Variants in FNDC7 observed in about 807,000 individuals in gnomAD.
FNDC7 encodes fibronectin type III domain-containing protein 7.
Under a neutral mutation model 74.2 loss-of-function variants are expected in FNDC7, and 66 were observed. The observed-to-expected ratio is 0.89, with a 90% CI of 0.73 to 1.09. The LOEUF (loss-of-function observed/expected upper bound fraction) is 1.09. Ranked by LOEUF, FNDC7 falls within the 50% of genes least tolerant of loss-of-function variation. The pLI is 0.00. For missense variants in FNDC7, 829 were observed against 893.4 expected, an observed-to-expected ratio of 0.93 and a Z score of 0.92; for synonymous variants, 307 against 330.2, an observed-to-expected ratio of 0.93 and a Z score of 0.76.
intron 5 of FNDC7, among the ~76,000 whole-genome samples, chr1:108,724,727 C>A (rs1478119214): frequency 6.6e-6 from 1 of 150,842 alleles, no homozygotes; most frequent in Non-Finnish European, 1.5e-5. Context: ...GCACTCCAGC[C>A]TGGGTGACAG....
intron 11 of FNDC7, among the ~76,000 whole-genome samples, chr1:108,739,719 C>G (rs905286848): frequency 1.3e-5 from 2 of 152,154 alleles, no homozygotes; most frequent in Non-Finnish European, 2.9e-5. Flanking sequence ...CCATCAGGTT[C>G]CCAGGTGATT....
intron 11 of FNDC7, among the ~76,000 whole-genome samples, 157 bp from the exon 12 acceptor site, chr1:108,741,616 G>A (rs1365913000): frequency 6.6e-6 from 1 of 152,168 alleles, no homozygotes; most frequent in African/African-American, 2.4e-5. Context: ...TGAACACTTT[G>A]TCAGTTGTCA....
chr1:108,720,358 C>T (rs75400896), intron 4 of FNDC7, among the ~76,000 whole-genome samples: 1 of 152,236 alleles, frequency 6.6e-6, no homozygotes, highest in African/African-American at 2.4e-5. Context: ...TCCAGTTTCA[C>T]CTGACCAGTG....
intron 6 of FNDC7, among the ~76,000 whole-genome samples, chr1:108,726,257 T>C (rs1661218641): frequency 6.6e-6 from 1 of 152,234 alleles, no homozygotes; most frequent in Non-Finnish European, 1.5e-5. Flanking sequence ...CTCTGAAAGA[T>C]TGAACTCGCC....
intron 2 of FNDC7, 30 bp from the exon 3 acceptor site, chr1:108,717,747 G>A (rs1661005308): frequency 1.3e-6 from 2 of 1,546,778 alleles, no homozygotes; most frequent in Admixed American, 3.9e-5. Flanking sequence ...AGGTATCTTG[G>A]CTAATGTACA....
intron 10 of FNDC7, 121 bp downstream of exon 10, chr1:108,733,653 T>C (rs894769213): frequency 1.1e-4 from 80 of 739,394 alleles, no homozygotes; most frequent in African/African-American, 5.5e-4. Context: ...TTCTTTCTTT[T>C]TTTTTTTTTT....
rs76973952 is a variant in FNDC7 at position 108,727,866 on chromosome 1, T to C, written c.1170T>C (p.Ile390=). 2.0e-3 allele frequency: 3,208 copies of C among 1,614,134 alleles called. 43 individuals carry two copies. In the African/African-American group the frequency reaches 0.037, roughly 19 times the overall value. ...TGGTGTCCAGTGACAGAGTTGAGAT[T>C]GTCTGGTCTCCTGTCCGTGGTGCCG... ...PVLVSSDRVE[I]VWSPVRGAEL... Residue 390 remains isoleucine, a synonymous_variant, in exon 7 of 13, where the codon ATT becomes ATC. Transcript: ENST00000370017.
chr1:108,713,551 G>A, intron 2 of FNDC7, 22 bp downstream of exon 2: 1 of 1,537,994 alleles, frequency 6.5e-7, no homozygotes, highest in Non-Finnish European at 8.8e-7. Flanking sequence ...TGACCTGCAA[G>A]TTTTTCCTTC....
intron 3 of FNDC7, among the ~76,000 whole-genome samples, chr1:108,718,355 TCTGACCGTATGGCATA>T (rs776725846): frequency 0.021 from 3,128 of 152,344 alleles, 39 homozygotes; most frequent in Admixed American, 0.035. Flanking sequence ...TTTGCTGCAC[TCTGACCGTATGGCATA>T]TATGTTAACA....
intron 2 of FNDC7, among the ~76,000 whole-genome samples, 172 bp from the exon 3 acceptor site, chr1:108,717,605 T>C (rs1433247753): frequency 1.3e-5 from 2 of 152,222 alleles, no homozygotes; most frequent in East Asian, 3.8e-4. Context: ...GGATCTCTTC[T>C]GGAGAGTAGC....
At chr1:108,716,501 G>A (rs1211359641) in intron 2 of FNDC7, among the ~76,000 whole-genome samples, 1 of 152,032 alleles carries the variant, frequency 6.6e-6, no homozygotes, top group Non-Finnish European at 1.5e-5. Context: ...TTTTCCTCCA[G>A]CATATATAAG....
At chr1:108,722,301 A>G in intron 4 of FNDC7, 34 bp from the exon 5 acceptor site, 2 of 1,523,662 alleles carry the variant, frequency 1.3e-6, no homozygotes, top group Non-Finnish European at 1.8e-6. Flanking sequence ...TTGTAAGGCT[A>G]CTACAAAATC....
intron 11 of FNDC7, among the ~76,000 whole-genome samples, chr1:108,740,955 C>T (rs186624369): frequency 2.4e-4 from 36 of 152,352 alleles, no homozygotes; most frequent in Admixed American, 2.0e-3. Context: ...CCTCATAATA[C>T]ACTTCCTCAT....
At chr1:108,715,355 G>A (rs541584203) in intron 2 of FNDC7, among the ~76,000 whole-genome samples, 1 of 152,262 alleles carries the variant, frequency 6.6e-6, no homozygotes, top group East Asian at 1.9e-4. Flanking sequence ...CCAGTCAGTG[G>A]GCTAAACATA....
intron 7 of FNDC7, 64 bp from the exon 8 acceptor site, chr1:108,728,568 A>C: frequency 6.3e-7 from 1 of 1,594,858 alleles, no homozygotes; most frequent in Non-Finnish European, 8.6e-7. Flanking sequence ...TCAGTTTTAG[A>C]CCAAATGGCA....
rs563171052 is a variant in FNDC7, at chr1:108,741,619, A to G, written c.2171-154A>G. 3.9e-5 allele frequency among the ~76,000 whole-genome samples: 6 copies of G among 152,336 alleles called. No individual in the cohort carries two copies. The East Asian group carries it at 9.6e-4, about 24-fold the overall frequency. On this transcript the variant is annotated intron_variant, in intron 11 of 12. Transcript: ENST00000370017. ...TGCTGATCAGTTTGAACACTTTGTC[A>G]GTTGTCATAGTTTCATGTTTACTTG... is the stretch of plus-strand genomic sequence containing the variant.
chr1:108,737,540 C>A lies in FNDC7; in HGVS notation c.2170+16C>A. 6.3e-7 allele frequency: 1 copy of A among 1,586,864 alleles called. No individual in the cohort carries two copies. The highest frequency in any genetic ancestry group is 1.2e-5 in the South Asian group (1 of 85,686). ...CTTGGAATGGGTAAGTCATTTTTCT[C>A]ATGGATAAAATAGAACAGGATTTTT... On this transcript the variant is annotated intron_variant, in intron 11 of 12. Coordinates refer to ENST00000370017, the MANE Select transcript of FNDC7 (RefSeq NM_001144937.3).
rs2101088471 is a variant in FNDC7 at position 108,733,487 on chromosome 1, A to G, written c.2095A>G (p.Lys699Glu). The G allele has an allele frequency of 2.5e-6, 4 of 1,614,110 alleles. No homozygotes were observed. Among genetic ancestry groups the G allele is most frequent in the Non-Finnish European group, 3.4e-6 (4 of 1,179,968 alleles). ...CACTGTGATGGTCTCACCAGTTGCT[A>G]AAACAGGATTGAAGCTTACTTTCTG... Reference protein sequence around the residue: ...VYTVMVSPVAKTGLKLTFCPK... With the variant: ...VYTVMVSPVAETGLKLTFCPK... Residue 699 changes from lysine (K) to glutamate (E), a missense_variant, in exon 10 of 13, where the codon AAA (lysine) becomes GAA (glutamate). Transcript: ENST00000370017.
chr1:108,719,056 ACTT>A lies in FNDC7; in HGVS notation c.598+10_598+12del. On this transcript the variant is annotated splice_region_variant and intron_variant, in intron 4 of 12. Transcript: ENST00000370017. ...ACCTGCAATCAGAGAACAAGTAAGA[ACTT>A]CTCAGCTCAGCCTCGAACAATTCTA... 4.5e-6 allele frequency: 7 copies of A among 1,551,910 alleles called. No individual in the cohort carries two copies. Among genetic ancestry groups the A allele is most frequent in the Non-Finnish European group, 6.1e-6 (7 of 1,146,926 alleles).
Sources: gnomAD v4.1 joint callset for allele counts (sites outside exome capture counted in the v4.1 genomes callset) on GRCh38, gnomAD v4.1.1 for gene constraint, MANE v1.5 for transcripts, NCBI Gene and HGNC (gene_info 2026-07-23, HGNC 2026-07-21) for gene names.